Variants in OSBPL8 observed in about 807,000 individuals in gnomAD.
OSBPL8 encodes the protein oxysterol-binding protein-related protein 8.
OSBPL8 carries 59 observed loss-of-function variants against 125.5 expected under a neutral mutation model. That is an observed-to-expected ratio of 0.47 (90% CI 0.38 to 0.58). OSBPL8 has a LOEUF of 0.58. OSBPL8 is among the 20% of genes least tolerant of loss of function. The probability of loss-of-function intolerance (pLI) is 0.00; values close to 1 mark genes in which losing one functional copy is unlikely to be tolerated. For synonymous variants in OSBPL8, 330 were observed against 338.9 expected (o/e 0.97, Z 0.29); for missense variants, 758 against 1,047.8 (o/e 0.72, Z 3.82).
At chr12:76,504,644 GGCAT>G (rs1457268104) in intron 1 of OSBPL8, among the ~76,000 whole-genome samples, 1 of 152,158 alleles carries the variant, frequency 6.6e-6, no homozygotes, top group Non-Finnish European at 1.5e-5. Context: ...GTCATTCCTG[GGCAT>G]GGGCCAAGAT....
intron 1 of OSBPL8, among the ~76,000 whole-genome samples, chr12:76,495,351 CAT>C (rs896416935): frequency 5.3e-5 from 8 of 152,318 alleles, no homozygotes; most frequent in African/African-American, 1.9e-4. Flanking sequence ...TCATTTGACA[CAT>C]TTTTACTAAA....
At chr12:76,465,943 T>A (rs557927595) in intron 2 of OSBPL8, among the ~76,000 whole-genome samples, 3 of 151,204 alleles carry the variant, frequency 2.0e-5, no homozygotes, top group African/African-American at 4.9e-5. Context: ...GAGGTGAAGG[T>A]TGCAGTAAGC....
At chr12:76,407,032 T>C (rs971728159) in intron 5 of OSBPL8, among the ~76,000 whole-genome samples, 1 of 152,088 alleles carries the variant, frequency 6.6e-6, no homozygotes, top group Non-Finnish European at 1.5e-5. Flanking sequence ...AAAATGAGAG[T>C]ATTCATATTT....
intron 1 of OSBPL8, among the ~76,000 whole-genome samples, chr12:76,539,049 T>TG (rs35179694): frequency 0.64 from 63,160 of 99,010 alleles, 21,701 homozygotes; most frequent in East Asian, 0.95. Context: ...ATTAAATAAC[T>TG]GGGGGGGGGG....
chr12:76,356,162 T>TGGGGGGGGTATGGGGGGGG (rs1951977973), intron 23 of OSBPL8, 141 bp from the exon 24 acceptor site: 1 of 131,834 alleles, frequency 7.6e-6, no homozygotes, highest in African/African-American at 3.4e-5. Context: ...TATGTAGGGG[T>TGGGGGGGGTATGGGGGGGG]GGGGGGGGGC....
chr12:76,389,880 T>C (rs1953486630), intron 11 of OSBPL8, 51 bp from the exon 12 acceptor site: 4 of 1,351,898 alleles, frequency 3.0e-6, no homozygotes, highest in Middle Eastern at 3.9e-4. Context: ...TTCAGACAGA[T>C]ATGTAAACAA....
intron 19 of OSBPL8, among the ~76,000 whole-genome samples, chr12:76,370,940 A>G (rs1952596992): frequency 6.6e-6 from 1 of 152,218 alleles, no homozygotes; most frequent in South Asian, 2.1e-4. Context: ...TCAAAAATAT[A>G]AGCCATCTAG....
chr12:76,421,190 A>G (rs1869435262), intron 4 of OSBPL8, among the ~76,000 whole-genome samples: 1 of 152,070 alleles, frequency 6.6e-6, no homozygotes, highest in African/African-American at 2.4e-5. Context: ...ACAAAGAGAC[A>G]GAAACAAATA....
chr12:76,421,522 T>C (rs946064871), intron 4 of OSBPL8, among the ~76,000 whole-genome samples: 3 of 152,054 alleles, frequency 2.0e-5, no homozygotes, highest in Non-Finnish European at 4.4e-5. Context: ...CGTTTCACTA[T>C]CTCAGAAGAA....
chr12:76,419,172 G>C (rs1019703436), intron 4 of OSBPL8, among the ~76,000 whole-genome samples: 1 of 151,272 alleles, frequency 6.6e-6, no homozygotes, highest in African/African-American at 2.4e-5. Flanking sequence ...GGAGGCAGAG[G>C]CTGCAGTGCG....
intron 15 of OSBPL8, among the ~76,000 whole-genome samples, chr12:76,381,730 CTT>C (rs796127975): frequency 6.9e-6 from 1 of 144,282 alleles, no homozygotes. Flanking sequence ...CATTTACTTT[CTT>C]TTTTTTTTTT....
At chr12:76,468,779 T>G (rs1875764322) in intron 2 of OSBPL8, among the ~76,000 whole-genome samples, 1 of 152,232 alleles carries the variant, frequency 6.6e-6, no homozygotes, top group Non-Finnish European at 1.5e-5. Flanking sequence ...TTCTCCACCA[T>G]TATAATGGTC....
At position 76,512,266 on chromosome 12, in the gene OSBPL8, C is replaced by T. The variant is rs113393789; in HGVS notation, c.-67-24648G>A. Among the ~76,000 whole-genome samples the T allele has an allele frequency of 3.5e-3, 533 of 152,286 alleles. 4 individuals are homozygous for T. Among genetic ancestry groups the T allele is most frequent in the African/African-American group, 0.012 (512 of 41,546 alleles). ...TGAGTTAGTTTGCTAAAGAAGAGAG[C>T]CTCCAGCTCCACCCATGTTCTCACA... is the stretch of plus-strand genomic sequence containing the variant. On this transcript the variant is annotated intron_variant, in intron 1 of 23. Coordinates refer to ENST00000261183, the MANE Select transcript of OSBPL8 (RefSeq NM_020841.5).
intron 1 of OSBPL8, among the ~76,000 whole-genome samples, chr12:76,513,750 T>G (rs1335418080): frequency 5.3e-5 from 8 of 151,616 alleles, no homozygotes; most frequent in Non-Finnish European, 7.4e-5. Context: ...CTGGGTTTTT[T>G]TTTTTTTTTT....
intron 1 of OSBPL8, among the ~76,000 whole-genome samples, chr12:76,500,041 G>A (rs1457533250): frequency 2.0e-5 from 3 of 151,970 alleles, no homozygotes; most frequent in Non-Finnish European, 2.9e-5. Context: ...CTGCCTTCAC[G>A]CCTACATATT....
intron 1 of OSBPL8, among the ~76,000 whole-genome samples, chr12:76,535,927 A>C (rs570178244): frequency 6.6e-6 from 1 of 152,172 alleles, no homozygotes; most frequent in Non-Finnish European, 1.5e-5. Flanking sequence ...GGACTGATGG[A>C]AAGTTCTATA....
intron 14 of OSBPL8, among the ~76,000 whole-genome samples, chr12:76,385,528 T>A (rs995780445): frequency 6.6e-6 from 1 of 152,010 alleles, no homozygotes; most frequent in African/African-American, 2.4e-5. Context: ...ACGATACAAA[T>A]GTTAAAATAA....
intron 4 of OSBPL8, among the ~76,000 whole-genome samples, chr12:76,434,501 G>GACT (rs1488532523): frequency 6.6e-6 from 1 of 152,046 alleles, no homozygotes; most frequent in Non-Finnish European, 1.5e-5. Flanking sequence ...AAATAGGTAA[G>GACT]ACTATATCAA....
chr12:76,479,031 A>G (rs1206827936), intron 2 of OSBPL8, among the ~76,000 whole-genome samples: 1 of 152,204 alleles, frequency 6.6e-6, no homozygotes, highest in Non-Finnish European at 1.5e-5. Context: ...ACTGCACTCC[A>G]GCCTGGGCGA....
Sources: allele counts gnomAD v4.1 joint callset (sites outside exome capture counted in the v4.1 genomes callset), GRCh38; gene constraint gnomAD v4.1.1; transcripts MANE v1.5; gene names NCBI Gene and HGNC (gene_info 2026-07-23, HGNC 2026-07-21).